The following FAT3 variants were observed in gnomAD, a reference collection of about 807,000 sequenced individuals.
FAT3 encodes the protein FAT atypical cadherin 3, also known as protocadherin Fat 3.
In FAT3, 95 loss-of-function variants were observed where a neutral mutation model predicts 310.2. The ratio of observed to expected loss-of-function variants is 0.31; its 90% confidence interval spans 0.26 to 0.36. The LOEUF (loss-of-function observed/expected upper bound fraction) is 0.36. Ranked by LOEUF, FAT3 falls within the 10% of genes least tolerant of loss-of-function variation. The pLI, the probability that FAT3 is intolerant of heterozygous loss-of-function variation, is 1.00. For missense variants in FAT3, 5,408 were observed against 5,715.6 expected (o/e 0.95, Z 1.74); for synonymous variants, 2,314 against 2,192.9 (o/e 1.06, Z -1.54).
chr11:92,550,368 T>G (rs1954767692), intron 3 of FAT3, among the ~76,000 whole-genome samples: 1 of 152,182 alleles, frequency 6.6e-6, no homozygotes. Context: ...AGTGGATAAT[T>G]ATTGATATTA....
In FAT3 at chr11:92,562,939, T is replaced by C. The variant is rs986286843; in HGVS notation, c.3607+37991T>C. ...CTAGAAACACCCTCACAGACACACC[T>C]AGAAATAATGTTTTTACCAGCTATC... On this transcript the variant is annotated intron_variant, in intron 3 of 27. Coordinates refer to ENST00000525166, the MANE Select transcript of FAT3 (RefSeq NM_001367949.2). Among the ~76,000 whole-genome samples, 8 of 152,174 alleles carry C rather than the reference T, an allele frequency of 5.3e-5. No individual in the cohort carries two copies. The South Asian group carries it at 1.7e-3, about 32-fold the overall frequency.
chr11:92,534,411 A>G (rs1336781926), intron 3 of FAT3, among the ~76,000 whole-genome samples: 1 of 152,204 alleles, frequency 6.6e-6, no homozygotes, highest in Non-Finnish European at 1.5e-5. Flanking sequence ...ATTGAATTTG[A>G]AAAACATGAG....
intron 3 of FAT3, among the ~76,000 whole-genome samples, chr11:92,651,380 T>G (rs1178080046): frequency 6.6e-6 from 1 of 152,184 alleles, no homozygotes; most frequent in East Asian, 1.9e-4. Context: ...CCGTTTGGGC[T>G]TGGTCAATGC....
At chr11:92,579,876 T>G (rs1174700037) in intron 3 of FAT3, among the ~76,000 whole-genome samples, 1 of 152,072 alleles carries the variant, frequency 6.6e-6, no homozygotes, top group Non-Finnish European at 1.5e-5. Flanking sequence ...CCTTTAAAAT[T>G]ATCAAAAGCT....
At chr11:92,667,753 AG>A (rs1480447583) in intron 3 of FAT3, among the ~76,000 whole-genome samples, 1 of 152,192 alleles carries the variant, frequency 6.6e-6, no homozygotes, top group Non-Finnish European at 1.5e-5. Context: ...AGGAACAATG[AG>A]GCATCCACGG....
Position 92,887,119 on chromosome 11 carries a change from A to T in FAT3, c.13051+6A>T. 6.2e-7 allele frequency: 1 copy of T among 1,604,606 alleles called. No homozygotes were observed. The highest frequency in any genetic ancestry group is 8.5e-7 in the Non-Finnish European group (1 of 1,175,470). ...AGATTCTGGTGACGACAATGGTAAG[A>T]AGTCATCAGATTTGTTCGGAGCGGG... On this transcript the variant is annotated splice_donor_region_variant and intron_variant, in intron 25 of 27. Coordinates refer to ENST00000525166, the MANE Select transcript of FAT3 (RefSeq NM_001367949.2).
intron 2 of FAT3, among the ~76,000 whole-genome samples, chr11:92,468,254 G>A (rs1362990408): frequency 6.6e-6 from 1 of 152,140 alleles, no homozygotes; most frequent in Non-Finnish European, 1.5e-5. Context: ...ACTTTATGAA[G>A]TAACTCCCCT....
At chr11:92,267,040 G>C (rs902092085) in intron 1 of FAT3, among the ~76,000 whole-genome samples, 1 of 132,842 alleles carries the variant, frequency 7.5e-6, no homozygotes, top group African/African-American at 3.1e-5. Context: ...GCATTGAGAG[G>C]CTGCCTGCCT....
At chr11:92,871,192 G>A (rs1340020080) in intron 22 of FAT3, among the ~76,000 whole-genome samples, 2 of 152,096 alleles carry the variant, frequency 1.3e-5, no homozygotes, top group African/African-American at 4.8e-5. Context: ...AGTGTGTAGT[G>A]GTATTGGTTT....
chr11:92,227,108 G>T (rs11601206), intron 1 of FAT3, among the ~76,000 whole-genome samples: 10 of 152,068 alleles, frequency 6.6e-5, no homozygotes, highest in Non-Finnish European at 1.5e-4. Context: ...GGCTTGAGCG[G>T]CTGGGGTTCC....
chr11:92,806,610 A>AC, intron 12 of FAT3, 95 bp downstream of exon 12: 23 of 1,040,194 alleles, frequency 2.2e-5, no homozygotes, highest in Non-Finnish European at 2.9e-5. Context: ...AGTTAGTAGT[A>AC]TACTTACTCT....
chr11:92,583,208 G>C (rs2135537970), intron 3 of FAT3, among the ~76,000 whole-genome samples: 1 of 152,066 alleles, frequency 6.6e-6, no homozygotes, highest in East Asian at 2.0e-4. Flanking sequence ...TTCCCATTAA[G>C]GGAGGGGACT....
chr11:92,594,460 A>C (rs189096393), intron 3 of FAT3, among the ~76,000 whole-genome samples: 294 of 152,330 alleles, frequency 1.9e-3, no homozygotes, highest in Middle Eastern at 6.8e-3. Flanking sequence ...AACAAAGAGA[A>C]GAACTTGATG....
rs373633152 is a variant in FAT3 at position 92,630,608 on chromosome 11, TAA to T, written c.3608-66772_3608-66771del. On this transcript the variant is annotated intron_variant, in intron 3 of 27. Transcript: ENST00000525166. ...ACGGAGATCCCACTGTCAACCAAGC[TAA>T]AAACCTGAAGCCATCCTCCTCTAAT... Among the ~76,000 whole-genome samples, 45 of 152,264 alleles carry T rather than the reference TAA, an allele frequency of 3.0e-4. 1 individual carries two copies. The East Asian group carries it at 6.0e-3, about 20-fold the overall frequency.
At chr11:92,439,457 C>CT (rs1951019399) in intron 2 of FAT3, among the ~76,000 whole-genome samples, 1 of 152,010 alleles carries the variant, frequency 6.6e-6, no homozygotes, top group East Asian at 1.9e-4. Context: ...TGAAGTTTAC[C>CT]TTTTTTCAGC....
At chr11:92,445,665 G>C (rs542804923) in intron 2 of FAT3, among the ~76,000 whole-genome samples, 1 of 152,120 alleles carries the variant, frequency 6.6e-6, no homozygotes, top group Non-Finnish European at 1.5e-5. Flanking sequence ...GCATATATGA[G>C]TGTATATATG....
chr11:92,719,720 CTGTGTGTGTGTG>C (rs751825746), intron 4 of FAT3, among the ~76,000 whole-genome samples: 2,726 of 136,850 alleles, frequency 0.02, 29 homozygotes, highest in Non-Finnish European at 0.025. Flanking sequence ...AGAACCAACT[CTGTGTGTGTGTG>C]TGTGTGTGTG....
intron 2 of FAT3, among the ~76,000 whole-genome samples, chr11:92,468,648 G>T (rs1018121784): frequency 1.3e-5 from 2 of 152,126 alleles, no homozygotes; most frequent in South Asian, 4.1e-4. Flanking sequence ...CAACATGGCT[G>T]GGGAGGCCTC....
intron 3 of FAT3, among the ~76,000 whole-genome samples, chr11:92,575,761 T>C (rs1938448869): frequency 1.3e-5 from 2 of 152,162 alleles, no homozygotes; most frequent in African/African-American, 4.8e-5. Flanking sequence ...GAGGGGGTCT[T>C]TTTTTTGTTT....
Sources: allele counts gnomAD v4.1 joint callset (sites outside exome capture counted in the v4.1 genomes callset), GRCh38; gene constraint gnomAD v4.1.1; transcripts MANE v1.5; gene names NCBI Gene and HGNC (gene_info 2026-07-23, HGNC 2026-07-21).